The following PCCA variants were observed in gnomAD, a reference collection of about 807,000 sequenced individuals.
PCCA encodes propionyl-CoA carboxylase subunit alpha.
A neutral mutation model predicts 101.3 loss-of-function variants in PCCA; 74 were observed. That is an observed-to-expected ratio of 0.73 (90% CI 0.61 to 0.89). The LOEUF (loss-of-function observed/expected upper bound fraction) is 0.89, where lower values mean the gene tolerates loss of function less well. PCCA is among the 40% of genes least tolerant of loss of function. The probability of loss-of-function intolerance (pLI) is 0.00; values close to 1 mark genes in which losing one functional copy is unlikely to be tolerated. For synonymous variants in PCCA, 294 were observed against 313.6 expected (o/e 0.94, Z 0.66); for missense variants, 891 against 907.0 (o/e 0.98, Z 0.23).
At position 100,425,619 on chromosome 13, in the gene PCCA, T is replaced by C. The variant is rs756709297; in HGVS notation, c.1747-14T>C. On this transcript the variant is annotated splice_polypyrimidine_tract_variant and intron_variant, in intron 19 of 23. Transcript: ENST00000376285. ...CTTTCTTCATGGTAATGGTCTTATT[T>C]GGTGTCACAACAGGTGGAAGTTGAT... 1 of 1,566,780 alleles carries C rather than the reference T, an allele frequency of 6.4e-7. No homozygotes were observed. The highest frequency in any genetic ancestry group is 8.8e-7 in the Non-Finnish European group (1 of 1,136,772).
chr13:100,135,203 G>A (rs1009711485), intron 4 of PCCA, among the ~76,000 whole-genome samples: 11 of 151,666 alleles, frequency 7.3e-5, no homozygotes, highest in Non-Finnish European at 1.6e-4. Flanking sequence ...ACCAGCCTGG[G>A]CAACATAGCC....
intron 6 of PCCA, among the ~76,000 whole-genome samples, chr13:100,178,608 G>C (rs983146957): frequency 1.3e-4 from 20 of 152,174 alleles, no homozygotes; most frequent in African/African-American, 4.8e-4. Context: ...AGAAGGATAG[G>C]AGGTTCAGGC....
chr13:100,209,393 A>G lies in PCCA; in HGVS notation c.530A>G (p.Lys177Arg). The G allele has an allele frequency of 6.2e-7, 1 of 1,613,310 alleles. No homozygotes were observed. Among genetic ancestry groups the G allele is most frequent in the Non-Finnish European group, 8.5e-7 (1 of 1,179,286 alleles). Residue 177 changes from lysine to arginine, a missense_variant, in exon 7 of 24, where the codon AAG becomes AGG. Physicochemically the swap from Lys to Arg is conservative, Grantham distance 26 (BLOSUM62 2). Coordinates refer to ENST00000376285, the MANE Select transcript of PCCA (RefSeq NM_000282.4). The stretch of plus-strand genomic sequence containing the variant: ...CATGCTATTCAAGCCATGGGCGACA[A>G]GATTGAAAGCAAATTATTAGCTAAG... ...DTHAIQAMGD[K>R]IESKLLAKKA...
intron 6 of PCCA, among the ~76,000 whole-genome samples, chr13:100,159,103 T>C (rs1953344443): frequency 7.4e-6 from 1 of 134,242 alleles, no homozygotes; most frequent in Non-Finnish European, 1.6e-5. Flanking sequence ...TTTTTTTTTT[T>C]TTTTTTTTGA....
At chr13:100,136,040 T>G (rs1190689482) in intron 4 of PCCA, among the ~76,000 whole-genome samples, 1 of 152,150 alleles carries the variant, frequency 6.6e-6, no homozygotes, top group Non-Finnish European at 1.5e-5. Context: ...CTTAATTTTT[T>G]GTTAAGGATT....
rs1312382154 is a variant in PCCA, at chr13:100,349,873, A to C, written c.1643+9614A>C. Among the ~76,000 whole-genome samples, 62 of 152,162 alleles carry C rather than the reference A, an allele frequency of 4.1e-4. 2 individuals carry two copies. Among genetic ancestry groups the C allele is most frequent in the Admixed American group, 4.1e-3 (62 of 15,274 alleles). On this transcript the variant is annotated intron_variant, in intron 18 of 23. Transcript: ENST00000376285. ...TTCCTCTTGGGTTCTTTGTATGTGC[A>C]GTCATTGTGTCTGCATTTGTATTGT... is the stretch of plus-strand genomic sequence containing the variant.
chr13:100,402,350 G>A (rs1269876494), intron 19 of PCCA, among the ~76,000 whole-genome samples: 3 of 151,828 alleles, frequency 2.0e-5, no homozygotes, highest in Non-Finnish European at 4.4e-5. Flanking sequence ...TAATGAAAGT[G>A]AGCCACGATG....
intron 1 of PCCA, among the ~76,000 whole-genome samples, chr13:100,100,926 T>C (rs2047221604): frequency 6.6e-6 from 1 of 151,886 alleles, no homozygotes; most frequent in African/African-American, 2.4e-5. Flanking sequence ...GCCTCAGCCA[T>C]CCGAGTAGCT....
At position 100,316,923 on chromosome 13, in the gene PCCA, G is replaced by A. The variant is rs148697340; in HGVS notation, c.1429+7015G>A. On this transcript the variant is annotated intron_variant, in intron 16 of 23. Transcript: ENST00000376285. Reference sequence around the variant, plus strand: ...TGAGTAGCTGGGACTACAGGGGTGCGCCACCACACCTAGCTAATTTTTGTA... The same window carrying A: ...TGAGTAGCTGGGACTACAGGGGTGCACCACCACACCTAGCTAATTTTTGTA... 2.4e-3 allele frequency among the ~76,000 whole-genome samples: 372 copies of A among 151,924 alleles called. 7 individuals carry two copies. The East Asian group carries it at 0.056, about 23-fold the overall frequency.
chr13:100,520,375 C>T (rs934892241), intron 22 of PCCA, among the ~76,000 whole-genome samples: 18 of 152,118 alleles, frequency 1.2e-4, no homozygotes, highest in Non-Finnish European at 7.4e-5. Flanking sequence ...TGGCCGGGCG[C>T]GGTGGCTCAC....
chr13:100,106,266 A>G (rs1348944194), intron 2 of PCCA, among the ~76,000 whole-genome samples: 1 of 152,164 alleles, frequency 6.6e-6, no homozygotes, highest in Admixed American at 6.5e-5. Flanking sequence ...AAATGTTTGT[A>G]TGTGTGGACA....
At chr13:100,168,576 C>T (rs1323464462) in intron 6 of PCCA, among the ~76,000 whole-genome samples, 10 of 152,200 alleles carry the variant, frequency 6.6e-5, no homozygotes, top group Admixed American at 1.3e-4. Context: ...TTAGCTGTTA[C>T]TTATGCTAGT....
chr13:100,260,393 G>GTA (rs1476916398), intron 9 of PCCA, among the ~76,000 whole-genome samples: 1 of 148,832 alleles, frequency 6.7e-6, no homozygotes, highest in Non-Finnish European at 1.5e-5. Flanking sequence ...GTGTGTGTGT[G>GTA]TGTGTTTTTT....
chr13:100,204,728 TAG>T (rs1197632159), intron 6 of PCCA, among the ~76,000 whole-genome samples: 1 of 152,216 alleles, frequency 6.6e-6, no homozygotes, highest in East Asian at 1.9e-4. Flanking sequence ...TCCAGAACCA[TAG>T]AGTCACAGAA....
intron 4 of PCCA, among the ~76,000 whole-genome samples, chr13:100,116,557 AT>A (rs550845236): frequency 4.7e-4 from 71 of 152,288 alleles, no homozygotes; most frequent in African/African-American, 1.7e-3. Context: ...TGTCTTCAGT[AT>A]TCTTGGTCCT....
At chr13:100,341,957 G>GTATATATATA (rs35822001) in intron 18 of PCCA, among the ~76,000 whole-genome samples, 1,880 of 107,060 alleles carry the variant, frequency 0.018, 84 homozygotes, top group African/African-American at 0.047. Context: ...ACCCTTCAAA[G>GTATATATATA]TATATATATA....
At chr13:100,146,696 A>G (rs2152358993) in intron 4 of PCCA, among the ~76,000 whole-genome samples, 1 of 152,270 alleles carries the variant, frequency 6.6e-6, no homozygotes, top group South Asian at 2.1e-4. Context: ...ATTTTTCTCC[A>G]TTACATTAAT....
chr13:100,264,134 T>C (rs71433447), intron 10 of PCCA, among the ~76,000 whole-genome samples: 472 of 27,914 alleles, frequency 0.017, 75 homozygotes, highest in African/African-American at 0.027. Flanking sequence ...CGTATATATA[T>C]GGTATCTGTA....
At chr13:100,154,937 T>A in intron 4 of PCCA, 42 bp from the exon 5 acceptor site, 2 of 1,290,518 alleles carry the variant, frequency 1.5e-6, no homozygotes. Flanking sequence ...GGTAATTCTT[T>A]TTGCTGGGCG....
Sources: allele counts gnomAD v4.1 joint callset (sites outside exome capture counted in the v4.1 genomes callset), GRCh38; gene constraint gnomAD v4.1.1; transcripts MANE v1.5; gene names NCBI Gene and HGNC (gene_info 2026-07-23, HGNC 2026-07-21).